The following C5orf58 variants were observed in gnomAD, a reference collection of about 807,000 sequenced individuals.
The protein encoded by C5orf58 is chromosome 5 open reading frame 58.
C5orf58 carries 2 observed loss-of-function variants against 2.9 expected under a neutral mutation model. The ratio of observed to expected loss-of-function variants is 0.69; its 90% confidence interval spans 0.28 to 2.18. The LOEUF is 2.18. Ranked by LOEUF, C5orf58 falls within the 30% of genes most tolerant of loss-of-function variation. The probability of loss-of-function intolerance (pLI) is 0.13; values close to 1 mark genes in which losing one functional copy is unlikely to be tolerated. For missense variants in C5orf58, 96 were observed against 91.7 expected (o/e 1.05, Z -0.19); for synonymous variants, 37 against 33.4 (o/e 1.11, Z -0.37).
chr5:170,252,427 A>G, downstream of C5orf58: 1 of 1,506,726 alleles, frequency 6.6e-7, no homozygotes, highest in Admixed American at 1.7e-5. Context: ...AAACTATAGC[A>G]CAATACCTGG....
chr5:170,246,789 C>T (rs1382085011), downstream of C5orf58: 1 of 152,146 alleles, frequency 6.6e-6, no homozygotes, highest in African/African-American at 2.4e-5. Context: ...GACTGATGCA[C>T]CTGGGGTCAT....
At chr5:170,244,988 TC>T (rs1331722934) in intron 3 of C5orf58, among the ~76,000 whole-genome samples, 3 of 152,356 alleles carry the variant, frequency 2.0e-5, no homozygotes, top group Non-Finnish European at 2.9e-5. Context: ...TTGTTAGTTT[TC>T]CTTCTGACAC....
downstream of C5orf58, among the ~76,000 whole-genome samples, chr5:170,250,270 A>G (rs1055808012): frequency 3.9e-5 from 6 of 152,218 alleles, no homozygotes; most frequent in Non-Finnish European, 7.3e-5. Context: ...TTCTTTGGCG[A>G]TCTGGCCATC....
chr5:170,245,067 G>GC (rs1384408501), intron 3 of C5orf58, among the ~76,000 whole-genome samples: 2 of 152,052 alleles, frequency 1.3e-5, no homozygotes, highest in African/African-American at 2.4e-5. Flanking sequence ...CCCCTGCTGG[G>GC]GGGTGCCTCC....
chr5:170,250,269 G>T (rs938903023), downstream of C5orf58, among the ~76,000 whole-genome samples: 1 of 152,118 alleles, frequency 6.6e-6, no homozygotes, highest in Non-Finnish European at 1.5e-5. Context: ...TTTCTTTGGC[G>T]ATCTGGCCAT....
At chr5:170,243,745 G>T (rs1412760758) in intron 3 of C5orf58, among the ~76,000 whole-genome samples, 1 of 151,410 alleles carries the variant, frequency 6.6e-6, no homozygotes, top group Non-Finnish European at 1.5e-5. Context: ...TTGCCAGACT[G>T]TGTCTTTTAA....
At chr5:170,246,788 A>C (rs1294025806), downstream of C5orf58, 8 of 152,362 alleles carry the variant, frequency 5.3e-5, no homozygotes, top group Middle Eastern at 6.8e-3. Flanking sequence ...TGACTGATGC[A>C]CCTGGGGTCA....
downstream of C5orf58, among the ~76,000 whole-genome samples, chr5:170,250,433 G>T (rs1413092382): frequency 6.6e-6 from 1 of 152,148 alleles, no homozygotes; most frequent in East Asian, 1.9e-4. Flanking sequence ...ATAATAGTGG[G>T]AACTTTCCTT....
rs529160998 is a variant in C5orf58 at position 170,233,027 on chromosome 5, C to A, written c.-85+20C>A. The A allele has an allele frequency of 3.1e-6, 3 of 961,390 alleles. No homozygotes were observed. The highest frequency in any genetic ancestry group is 3.7e-6 in the Non-Finnish European group (3 of 807,896). 59.6% of individuals were successfully genotyped at this position (961,390 alleles called of 1,614,324 possible). ...GGCCAGGTGGGTAGTGACGGCTGCT[C>A]GGTCTTGAAGGATCCTAATCTGGTT... On this transcript the variant is annotated intron_variant, in intron 1 of 3. Coordinates refer to ENST00000593851, the MANE Select transcript of C5orf58 (RefSeq NM_001102609.3).
chr5:170,237,194 G>T (rs77329824), intron 3 of C5orf58: 5 of 397,702 alleles, frequency 1.3e-5, no homozygotes, highest in African/African-American at 1.0e-4. Context: ...GTAGAGCTAC[G>T]CTAGGAAGGT....
chr5:170,233,926 A>G, intron 1 of C5orf58, 189 bp from the exon 2 acceptor site: 1 of 365,142 alleles, frequency 2.7e-6, no homozygotes, highest in Non-Finnish European at 5.4e-6. Context: ...ATTTTTAAAA[A>G]ACTTTTGCCT....
At chr5:170,246,769 G>A (rs1322046023), downstream of C5orf58, 2 of 152,270 alleles carry the variant, frequency 1.3e-5, no homozygotes, top group East Asian at 3.8e-4. Context: ...GCAGGGTTCT[G>A]AGCAACTGTG....
At chr5:170,249,845 C>A (rs1288170608), downstream of C5orf58, among the ~76,000 whole-genome samples, 1 of 152,206 alleles carries the variant, frequency 6.6e-6, no homozygotes, top group East Asian at 1.9e-4. Context: ...AGGTGCCTCC[C>A]TCCATGGGAG....
chr5:170,239,811 C>T (rs973607667), intron 3 of C5orf58, among the ~76,000 whole-genome samples: 10 of 151,626 alleles, frequency 6.6e-5, no homozygotes, highest in African/African-American at 2.2e-4. Context: ...TTTTAGGGTA[C>T]ATGTGCACAT....
chr5:170,242,037 A>C (rs1200020002), intron 3 of C5orf58, among the ~76,000 whole-genome samples: 2 of 144,704 alleles, frequency 1.4e-5, no homozygotes, highest in South Asian at 2.3e-4. Flanking sequence ...TGAGATAATC[A>C]TGTGGTTTTT....
chr5:170,233,162 G>C (rs1351773530), intron 1 of C5orf58, 155 bp downstream of exon 1: 1 of 176,338 alleles, frequency 5.7e-6, no homozygotes, highest in African/African-American at 2.4e-5. Flanking sequence ...CCTGGGTGTC[G>C]GTTGGGCCGA....
At chr5:170,240,774 G>A (rs1235543325) in intron 3 of C5orf58, among the ~76,000 whole-genome samples, 1 of 149,672 alleles carries the variant, frequency 6.7e-6, no homozygotes, top group Non-Finnish European at 1.5e-5. Flanking sequence ...AAGCTCTTTA[G>A]TTTAATTAGA....
downstream of C5orf58, chr5:170,250,914 G>T: frequency 6.2e-7 from 1 of 1,601,604 alleles, no homozygotes; most frequent in South Asian, 1.1e-5. Context: ...GTTATTATGG[G>T]AGCAGTAAAA....
chr5:170,238,496 T>C (rs1164649049), intron 3 of C5orf58, among the ~76,000 whole-genome samples: 1 of 151,186 alleles, frequency 6.6e-6, no homozygotes, highest in Admixed American at 6.6e-5. Context: ...CAAATAAGAG[T>C]GTTAGAAAGA....
Sources: gnomAD v4.1 joint callset for allele counts (sites outside exome capture counted in the v4.1 genomes callset) on GRCh38, gnomAD v4.1.1 for gene constraint, MANE v1.5 for transcripts, NCBI Gene and HGNC (gene_info 2026-07-23, HGNC 2026-07-21) for gene names.